The following SLC35F5 variants were observed in gnomAD, a reference collection of about 807,000 sequenced individuals.
SLC35F5 encodes HCV NS5A-transactivated protein 3.
In SLC35F5, 54 loss-of-function variants were observed where a neutral mutation model predicts 68.6. The ratio of observed to expected loss-of-function variants is 0.79; its 90% confidence interval spans 0.63 to 0.99. The LOEUF is 0.99. Ranked by LOEUF, SLC35F5 falls within the 50% of genes least tolerant of loss-of-function variation. The pLI, the probability that SLC35F5 is intolerant of heterozygous loss-of-function variation, is 0.00. For synonymous variants in SLC35F5, 211 were observed against 205.2 expected, an observed-to-expected ratio of 1.03 and a Z score of -0.24; for missense variants, 567 against 626.9, an observed-to-expected ratio of 0.90 and a Z score of 1.02.
chr2:113,727,155 T>TTC (rs1687695236), intron 11 of SLC35F5, among the ~76,000 whole-genome samples: 1 of 152,060 alleles, frequency 6.6e-6, no homozygotes, highest in Admixed American at 6.5e-5. Flanking sequence ...CCTTCTCAAG[T>TTC]TCTCTCTCTC....
At chr2:113,729,259 C>T in intron 11 of SLC35F5, 142 bp downstream of exon 11, 1 of 538,978 alleles carries the variant, frequency 1.9e-6, no homozygotes, top group Non-Finnish European at 3.3e-6. Context: ...AACATTGGGA[C>T]TGGCCTTCAT....
intron 7 of SLC35F5, among the ~76,000 whole-genome samples, chr2:113,736,678 T>C (rs1688109476): frequency 6.6e-6 from 1 of 152,314 alleles, no homozygotes; most frequent in East Asian, 1.9e-4. Context: ...ATGAAAATGA[T>C]AATTTATTGA....
chr2:113,722,029 C>T (rs1687462974), intron 13 of SLC35F5, among the ~76,000 whole-genome samples: 1 of 137,362 alleles, frequency 7.3e-6, no homozygotes, highest in Non-Finnish European at 1.5e-5. Flanking sequence ...GGCTGGAGCG[C>T]AGTGGCATGA....
Position 113,724,456 on chromosome 2 carries a change from G to C in SLC35F5, c.1250+922C>G, listed in dbSNP as rs1687580992. Among the ~76,000 whole-genome samples the C allele has an allele frequency of 2.0e-5, 3 of 152,150 alleles. No homozygotes were observed. In the South Asian group the frequency reaches 6.2e-4, roughly 31 times the overall value. On this transcript the variant is annotated intron_variant, in intron 12 of 15. Coordinates refer to ENST00000245680, the MANE Select transcript of SLC35F5 (RefSeq NM_025181.5). ...AATTTTAGATCAGCAAAGGAGTTTA[G>C]ATAAGAACATAAATTACTACAATAC...
At position 113,735,842 on chromosome 2, in the gene SLC35F5, A is replaced by G; in HGVS notation, c.767T>C (p.Leu256Ser). The G allele has an allele frequency of 6.2e-7, 1 of 1,609,710 alleles. No individual in the cohort carries two copies. Residue 256 changes from leucine to serine, a missense_variant, in exon 8 of 16, where the codon TTG becomes TCG. Leu to Ser is a moderately radical substitution (Grantham distance 145, BLOSUM62 -2). Transcript: ENST00000245680. ...GTCTGAAAGTGCTTCTTGATATGAC[A>G]AATTTGCCAAAAACCACTAAAGAAA... Reference protein sequence around the residue: ...FFCFVWFLANLSYQEALSDTQ... With the variant: ...FFCFVWFLANSSYQEALSDTQ...
At chr2:113,727,362 C>A (rs977334440) in intron 11 of SLC35F5, among the ~76,000 whole-genome samples, 1 of 152,054 alleles carries the variant, frequency 6.6e-6, no homozygotes, top group African/African-American at 2.4e-5. Flanking sequence ...ATTAAAAAAA[C>A]AACAACAAAA....
intron 14 of SLC35F5, among the ~76,000 whole-genome samples, chr2:113,718,616 T>C (rs1265713355): frequency 6.6e-6 from 1 of 151,952 alleles, no homozygotes; most frequent in African/African-American, 2.4e-5. Flanking sequence ...GCCAACACGG[T>C]GAAACCTGCC....
At chr2:113,751,750 T>C (rs1262430911) in intron 3 of SLC35F5, among the ~76,000 whole-genome samples, 2 of 151,706 alleles carry the variant, frequency 1.3e-5, no homozygotes, top group Non-Finnish European at 2.9e-5. Context: ...TCAGAGGTTA[T>C]AGTGAGCCAA....
At chr2:113,729,360 CATTTAGA>C in intron 11 of SLC35F5, 34 bp downstream of exon 11, 1 of 1,043,316 alleles carries the variant, frequency 9.6e-7, no homozygotes, top group South Asian at 1.4e-5. Context: ...CTGTGTTAAT[CATTTAGA>C]GTAAATAGCC....
chr2:113,703,032 C>T, downstream of SLC35F5, among the ~76,000 whole-genome samples: 1 of 152,100 alleles, frequency 6.6e-6, no homozygotes, highest in East Asian at 1.9e-4. Context: ...ATCACTTGAG[C>T]CCTGGTAGTG....
At chr2:113,725,670 T>C (rs1687632295) in intron 11 of SLC35F5, 133 bp from the exon 12 acceptor site, 3 of 790,412 alleles carry the variant, frequency 3.8e-6, no homozygotes, top group Non-Finnish European at 5.8e-6. Context: ...CTTCTGTTGG[T>C]TTGTTTTTAA....
intron 5 of SLC35F5, among the ~76,000 whole-genome samples, chr2:113,745,642 C>T (rs1186143758): frequency 6.6e-6 from 1 of 151,818 alleles, no homozygotes; most frequent in East Asian, 1.9e-4. Context: ...TGTACTCCAC[C>T]AGAGGCAATA....
At chr2:113,755,883 G>T (rs2104500869) in intron 1 of SLC35F5, 1 of 1,550,536 alleles carries the variant, frequency 6.4e-7, no homozygotes, top group East Asian at 2.4e-5. Flanking sequence ...CCATCCCTGG[G>T]GACAGCGTCT....
rs1023089526 is a variant in SLC35F5, at chr2:113,713,557, G to A, written c.*1661C>T. The stretch of plus-strand genomic sequence containing the variant: ...TAAACTTCAACCAAAAGTAGTCCTT[G>A]AGTAATTAAAATGTTACTTCATTAT... On this transcript the variant is annotated 3_prime_UTR_variant, in exon 16 of 16. Coordinates refer to ENST00000245680, the MANE Select transcript of SLC35F5 (RefSeq NM_025181.5). The A allele has an allele frequency of 6.6e-6, 1 of 152,096 alleles. No homozygotes were observed. Among genetic ancestry groups the A allele is most frequent in the Non-Finnish European group, 1.5e-5 (1 of 68,008 alleles). The allele number at this position is 152,096 out of a possible 1,614,324, so 9.4% of individuals were successfully genotyped here. A position where few individuals can be genotyped will look rare whatever the true frequency, so the allele number is the denominator to read the frequency against.
chr2:113,726,034 C>CTT (rs1687650073), intron 11 of SLC35F5, among the ~76,000 whole-genome samples: 1 of 152,186 alleles, frequency 6.6e-6, no homozygotes, highest in African/African-American at 2.4e-5. Context: ...TCCCAGACCT[C>CTT]TAACTAGTTA....
At position 113,712,182 on chromosome 2, in the gene SLC35F5, GAATT is replaced by G. The variant is rs1175840142; in HGVS notation, c.*3032_*3035del. Among the ~76,000 whole-genome samples, 1 of 152,134 alleles carries G rather than the reference GAATT, an allele frequency of 6.6e-6. No homozygotes were observed. The highest frequency in any genetic ancestry group is 1.5e-5 in the Non-Finnish European group (1 of 68,026). ...AGGGGGAAAATCAGCTTAATGTAAA[GAATT>G]AATTAAATCAGGTTGACAGAAGCCA... is the stretch of plus-strand genomic sequence containing the variant. On this transcript the variant is annotated 3_prime_UTR_variant, in exon 16 of 16. Transcript: ENST00000245680.
In SLC35F5 at chr2:113,714,938, G is replaced by C. The variant is rs2104961306; in HGVS notation, c.*280C>G. The C allele has an allele frequency of 6.5e-6, 1 of 152,724 alleles. No homozygotes were observed. The highest frequency in any genetic ancestry group is 6.5e-5 in the Admixed American group (1 of 15,304). The allele number at this position is 152,724 out of a possible 1,614,324, so 9.5% of individuals were successfully genotyped here. A position where few individuals can be genotyped will look rare whatever the true frequency, so the allele number is the denominator to read the frequency against. On this transcript the variant is annotated 3_prime_UTR_variant, in exon 16 of 16. Transcript: ENST00000245680. ...TTGATTAGTTCAAATGATTTCAACA[G>C]CTGAATTCCTTGAGATGTGTAAGGC...
In SLC35F5 at chr2:113,729,596, A is replaced by T. The variant is rs1386656808; in HGVS notation, c.986-91T>A. The T allele has an allele frequency of 4.3e-6, 3 of 700,238 alleles. No homozygotes were observed. In the African/African-American group the frequency reaches 5.6e-5, roughly 13 times the overall value. 43.4% of individuals were successfully genotyped at this position (700,238 alleles called of 1,614,324 possible). On this transcript the variant is annotated intron_variant, in intron 10 of 15. Transcript: ENST00000245680. ...ATAATGTGTCAGATAATATTGCAAG[A>T]ATATACAAAAGTGAAAAGATATATA...
chr2:113,731,653 G>C lies in SLC35F5; in HGVS notation c.921-5C>G. The C allele has an allele frequency of 6.2e-7, 1 of 1,610,070 alleles. No individual in the cohort carries two copies. On this transcript the variant is annotated splice_region_variant and splice_polypyrimidine_tract_variant and intron_variant, in intron 9 of 15. Transcript: ENST00000245680. ...ACCAGTACAACGCCTCCAATGCTAT[G>C]AGAATAACAGTCATTAATGATGAGC...
Sources: gnomAD v4.1 joint callset for allele counts (sites outside exome capture counted in the v4.1 genomes callset) on GRCh38, gnomAD v4.1.1 for gene constraint, MANE v1.5 for transcripts, NCBI Gene and HGNC (gene_info 2026-07-23, HGNC 2026-07-21) for gene names.